BCR: variants seen among roughly 807,000 people sequenced by gnomAD.
The protein encoded by BCR is BCR activator of RhoGEF and GTPase, also known as breakpoint cluster region protein.
A neutral mutation model predicts 138.6 loss-of-function variants in BCR; 58 were observed. The ratio of observed to expected loss-of-function variants is 0.42; its 90% CI spans 0.34 to 0.52. The LOEUF is 0.52. BCR is among the 20% of genes least tolerant of loss of function. The probability of loss-of-function intolerance (pLI) is 0.06; values close to 1 mark genes in which losing one functional copy is unlikely to be tolerated. For missense variants in BCR, 1,599 were observed against 1,727.2 expected (o/e 0.93, Z 1.32); for synonymous variants, 786 against 730.1 (o/e 1.08, Z -1.23).
chr22:23,288,322 G>C (rs971014365), intron 12 of BCR, 150 bp downstream of exon 12: 4 of 827,862 alleles, frequency 4.8e-6, no homozygotes, highest in Non-Finnish European at 7.9e-6. Flanking sequence ...AGAAGTTGGC[G>C]ACAGCCATCC....
intron 1 of BCR, among the ~76,000 whole-genome samples, chr22:23,183,513 C>T (rs915448898): frequency 1.3e-5 from 2 of 152,220 alleles, no homozygotes; most frequent in African/African-American, 4.8e-5. Flanking sequence ...CTCCGACCTG[C>T]CGTCTGGCCG....
chr22:23,189,811 G>C (rs1234428543), intron 1 of BCR, among the ~76,000 whole-genome samples: 1 of 152,058 alleles, frequency 6.6e-6, no homozygotes, highest in African/African-American at 2.4e-5. Flanking sequence ...AGCCCTCTCA[G>C]TCTTAAGACT....
At chr22:23,215,357 C>T (rs2072740280) in intron 1 of BCR, among the ~76,000 whole-genome samples, 1 of 152,230 alleles carries the variant, frequency 6.6e-6, no homozygotes, top group African/African-American at 2.4e-5. Flanking sequence ...CCAGGTACCA[C>T]TCAGCCATCT....
intron 1 of BCR, among the ~76,000 whole-genome samples, chr22:23,203,264 C>T (rs2072577076): frequency 6.6e-6 from 1 of 152,190 alleles, no homozygotes; most frequent in Admixed American, 6.5e-5. Context: ...CCCTTGATGG[C>T]TGCTGCCAGG....
intron 1 of BCR, among the ~76,000 whole-genome samples, chr22:23,210,552 G>A (rs897471419): frequency 2.6e-5 from 4 of 152,146 alleles, no homozygotes; most frequent in African/African-American, 9.7e-5. Context: ...TGTTCTGTGA[G>A]GTGTGACAGC....
At chr22:23,279,358 C>T (rs1026740055) in intron 8 of BCR, among the ~76,000 whole-genome samples, 1 of 152,180 alleles carries the variant, frequency 6.6e-6, no homozygotes, top group African/African-American at 2.4e-5. Flanking sequence ...GCGAGCAGGA[C>T]CCTTGACCTC....
chr22:23,281,307 G>A (rs920912598), intron 8 of BCR, among the ~76,000 whole-genome samples: 8 of 152,240 alleles, frequency 5.3e-5, no homozygotes, highest in Non-Finnish European at 1.0e-4. Flanking sequence ...GGGGACAGTG[G>A]TTTCCAGCCA....
intron 1 of BCR, among the ~76,000 whole-genome samples, chr22:23,227,711 A>G (rs565115873): frequency 1.3e-5 from 2 of 152,202 alleles, no homozygotes; most frequent in Admixed American, 6.5e-5. Context: ...TCACAATAGT[A>G]CTGCCAGTGC....
chr22:23,200,098 A>G (rs1331769373), intron 1 of BCR, among the ~76,000 whole-genome samples: 7 of 151,954 alleles, frequency 4.6e-5, no homozygotes, highest in Non-Finnish European at 1.0e-4. Flanking sequence ...AAAAAAAAAA[A>G]AAAGCAAGAC....
intron 19 of BCR, among the ~76,000 whole-genome samples, chr22:23,312,119 G>A (rs2074014484): frequency 6.6e-6 from 1 of 152,242 alleles, no homozygotes; most frequent in Non-Finnish European, 1.5e-5. Flanking sequence ...GGAGGTGGAA[G>A]CCCAGGACTC....
intron 10 of BCR, 152 bp from the exon 11 acceptor site, chr22:23,287,007 C>A: frequency 7.5e-7 from 1 of 1,339,070 alleles, no homozygotes; most frequent in South Asian, 1.4e-5. Context: ...CCACCAGCAA[C>A]TGCGGTCTGG....
At chr22:23,271,699 T>A in intron 6 of BCR, 107 bp downstream of exon 6, 1 of 1,079,282 alleles carries the variant, frequency 9.3e-7, no homozygotes, top group Admixed American at 1.9e-5. Context: ...GGTCATCCCT[T>A]GGTGCCTTCC....
chr22:23,228,198 C>T (rs890222299), intron 1 of BCR, among the ~76,000 whole-genome samples: 1 of 152,094 alleles, frequency 6.6e-6, no homozygotes, highest in Non-Finnish European at 1.5e-5. Flanking sequence ...AGAGACCTTT[C>T]CTCTTTTCTG....
chr22:23,291,441 A>G (rs889396907), intron 14 of BCR, among the ~76,000 whole-genome samples: 10 of 151,942 alleles, frequency 6.6e-5, no homozygotes, highest in Non-Finnish European at 1.5e-4. Context: ...TGACATGCAG[A>G]TTGCACCTTC....
At chr22:23,263,193 C>T (rs1240298073) in intron 4 of BCR, 3 of 897,444 alleles carry the variant, frequency 3.3e-6, no homozygotes, top group East Asian at 5.4e-5. Context: ...AGCCGCCTGC[C>T]CGGCTGCGGG....
chr22:23,195,016 C>T (rs914637018), intron 1 of BCR, among the ~76,000 whole-genome samples: 13 of 152,104 alleles, frequency 8.5e-5, no homozygotes, highest in African/African-American at 2.9e-4. Context: ...GTGGCTCATG[C>T]CTGTAATCCC....
chr22:23,284,156 T>TGGAG (rs1270628463), intron 9 of BCR, 58 bp downstream of exon 9: 20 of 1,599,206 alleles, frequency 1.3e-5, no homozygotes, highest in Admixed American at 1.7e-5. Context: ...CTCCAGGTCA[T>TGGAG]GGAGGGTCTT....
intron 1 of BCR, among the ~76,000 whole-genome samples, chr22:23,205,391 C>T (rs2072599843): frequency 6.6e-6 from 1 of 152,250 alleles, no homozygotes; most frequent in South Asian, 2.1e-4. Context: ...CCTTCTCCTC[C>T]TCTCACGGAT....
At chr22:23,268,832 CAA>C (rs1491523667) in intron 5 of BCR, among the ~76,000 whole-genome samples, 1 of 152,248 alleles carries the variant, frequency 6.6e-6, no homozygotes, top group Non-Finnish European at 1.5e-5. Context: ...GCTCTCTCCA[CAA>C]GAGTCCTGAG....
Sources: allele counts gnomAD v4.1 joint callset (sites outside exome capture counted in the v4.1 genomes callset), GRCh38; gene constraint gnomAD v4.1.1; transcripts MANE v1.5; gene names NCBI Gene and HGNC (gene_info 2026-07-23, HGNC 2026-07-21).